TENM3: variants seen among roughly 807,000 people sequenced by gnomAD.
TENM3 encodes teneurin transmembrane protein 3, also known as teneurin-3.
TENM3 carries 63 observed loss-of-function variants against 255.1 expected under a neutral mutation model. That is an observed-to-expected ratio of 0.25 (90% CI 0.20 to 0.30). The LOEUF is 0.30. TENM3 is among the 10% of genes least tolerant of loss of function. TENM3 has a pLI of 1.00. For missense variants in TENM3, 2,929 were observed against 3,461.1 expected (o/e 0.85, Z 3.86); for synonymous variants, 1,306 against 1,322.3 (o/e 0.99, Z 0.27).
intron 3 of TENM3, among the ~76,000 whole-genome samples, chr4:182,384,328 G>A (rs201966622): frequency 1.4e-3 from 166 of 115,452 alleles, no homozygotes; most frequent in African/African-American, 5.1e-3. Context: ...TTTTTTTCTT[G>A]AAAATATAAA....
chr4:181,535,668 G>T, the TENM3 span, among the ~76,000 whole-genome samples: 1 of 152,118 alleles, frequency 6.6e-6, no homozygotes, highest in Non-Finnish European at 1.5e-5. Flanking sequence ...CCCTTACTTT[G>T]CCCTCACCAC....
At chr4:182,599,417 C>A (rs963662502) in intron 3 of TENM3, among the ~76,000 whole-genome samples, 1 of 152,042 alleles carries the variant, frequency 6.6e-6, no homozygotes, top group Non-Finnish European at 1.5e-5. Context: ...TTTTGAAGTT[C>A]CCCCATATCA....
the TENM3 span, among the ~76,000 whole-genome samples, chr4:181,537,265 C>T: frequency 3.9e-5 from 6 of 152,082 alleles, no homozygotes; most frequent in Non-Finnish European, 8.8e-5. Flanking sequence ...TTTTATATTG[C>T]CATTATGACT....
At chr4:181,575,068 CAT>C in the TENM3 span, among the ~76,000 whole-genome samples, 2 of 152,040 alleles carry the variant, frequency 1.3e-5, no homozygotes, top group Non-Finnish European at 2.9e-5. Context: ...ACATATAAAA[CAT>C]AAAGTAAAAT....
At chr4:182,217,310 C>T (rs1010034312) in intron 1 of TENM3, among the ~76,000 whole-genome samples, 5 of 151,910 alleles carry the variant, frequency 3.3e-5, no homozygotes, top group Admixed American at 6.6e-5. Flanking sequence ...CGTGAGCCAC[C>T]GCACCTGGCC....
chr4:181,570,320 C>G, the TENM3 span, among the ~76,000 whole-genome samples: 4 of 152,072 alleles, frequency 2.6e-5, no homozygotes, highest in African/African-American at 9.7e-5. Context: ...GCTGGGATTA[C>G]AGGCGTGACC....
chr4:182,403,355 G>A (rs1482112409), intron 3 of TENM3, among the ~76,000 whole-genome samples: 1 of 152,202 alleles, frequency 6.6e-6, no homozygotes, highest in Non-Finnish European at 1.5e-5. Flanking sequence ...ATAAAAGATT[G>A]TGCATCTGTT....
the TENM3 span, among the ~76,000 whole-genome samples, chr4:181,469,862 C>T: frequency 2.6e-5 from 4 of 151,956 alleles, no homozygotes; most frequent in African/African-American, 9.7e-5. Flanking sequence ...TAAAATATCA[C>T]TTAATTATAA....
intron 24 of TENM3, among the ~76,000 whole-genome samples, chr4:182,787,200 G>A (rs987755986): frequency 6.6e-6 from 1 of 152,202 alleles, no homozygotes; most frequent in Non-Finnish European, 1.5e-5. Flanking sequence ...CCAGCTGGCT[G>A]GTCAGAATCG....
the TENM3 span, among the ~76,000 whole-genome samples, chr4:181,900,294 T>TA: frequency 5.8e-4 from 89 of 152,318 alleles, no homozygotes; most frequent in Non-Finnish European, 1.0e-3. Flanking sequence ...TTTAATTAAG[T>TA]AAAAATATGT....
chr4:182,757,358 G>A (rs957399559), intron 22 of TENM3, among the ~76,000 whole-genome samples: 6 of 150,982 alleles, frequency 4.0e-5, no homozygotes, highest in South Asian at 2.1e-4. Context: ...AGATGGTGGC[G>A]GCATTGGTAG....
At chr4:182,128,611 T>C in the TENM3 span, among the ~76,000 whole-genome samples, 175 of 152,362 alleles carry the variant, frequency 1.1e-3, no homozygotes, top group South Asian at 0.013. Context: ...ATTAACTTAC[T>C]GTTCTTTTCT....
chr4:182,010,136 C>T, the TENM3 span, among the ~76,000 whole-genome samples: 20 of 152,186 alleles, frequency 1.3e-4, no homozygotes, highest in African/African-American at 4.8e-4. Flanking sequence ...TGCTTCTAGT[C>T]GGCCATCTTG....
At chr4:182,611,499 G>A (rs1263720748) in intron 4 of TENM3, among the ~76,000 whole-genome samples, 1 of 151,726 alleles carries the variant, frequency 6.6e-6, no homozygotes, top group Non-Finnish European at 1.5e-5. Flanking sequence ...TTGAAATTTG[G>A]TTAATTTCTC....
chr4:182,728,513 G>A (rs1035624357), intron 13 of TENM3, among the ~76,000 whole-genome samples: 3 of 152,138 alleles, frequency 2.0e-5, no homozygotes, highest in Non-Finnish European at 4.4e-5. Flanking sequence ...AGATTTATGT[G>A]TCACATACTG....
chr4:181,882,497 G>C, the TENM3 span, among the ~76,000 whole-genome samples: 1 of 152,136 alleles, frequency 6.6e-6, no homozygotes, highest in African/African-American at 2.4e-5. Flanking sequence ...GAATTAGAGG[G>C]TGAAGACTGA....
chr4:182,473,541 C>CG (rs1733361412), intron 3 of TENM3, among the ~76,000 whole-genome samples: 1 of 152,014 alleles, frequency 6.6e-6, no homozygotes, highest in Non-Finnish European at 1.5e-5. Flanking sequence ...GGCGTGGTGG[C>CG]GGGTGCCTGT....
the TENM3 span, among the ~76,000 whole-genome samples, chr4:181,538,464 A>AG: frequency 4.1e-5 from 6 of 146,080 alleles, no homozygotes; most frequent in African/African-American, 1.5e-4. Flanking sequence ...TGGGATGGGG[A>AG]GGGGGGCGTG....
the TENM3 span, among the ~76,000 whole-genome samples, chr4:181,517,334 T>C: frequency 6.6e-6 from 1 of 152,136 alleles, no homozygotes; most frequent in Admixed American, 6.5e-5. Context: ...GAATCACTAA[T>C]CTTTTCCAAA....
Sources: allele counts gnomAD v4.1 joint callset (sites outside exome capture counted in the v4.1 genomes callset), GRCh38; gene constraint gnomAD v4.1.1; transcripts MANE v1.5; gene names NCBI Gene and HGNC (gene_info 2026-07-23, HGNC 2026-07-21).